The following TMEM120A variants were observed in gnomAD, a reference collection of about 807,000 sequenced individuals.
TMEM120A encodes the protein ion channel TACAN.
In TMEM120A, 45 loss-of-function variants were observed where a neutral mutation model predicts 54.3. The ratio of observed to expected loss-of-function variants is 0.83; its 90% CI spans 0.65 to 1.06. The LOEUF (loss-of-function observed/expected upper bound fraction) is 1.06, where lower values mean the gene tolerates loss of function less well. TMEM120A is among the 50% of genes least tolerant of loss of function. TMEM120A has a pLI of 0.00. For missense variants in TMEM120A, 424 were observed against 441.7 expected (o/e 0.96, Z 0.36); for synonymous variants, 204 against 178.5 (o/e 1.14, Z -1.14).
In TMEM120A at chr7:75,992,211, C is replaced by T; in HGVS notation, c.250G>A (p.Glu84Lys). 2.5e-6 allele frequency: 4 copies of T among 1,612,554 alleles called. No individual in the cohort carries two copies. Among genetic ancestry groups the T allele is most frequent in the Non-Finnish European group, 3.4e-6 (4 of 1,179,412 alleles). ...CCTTGGCGCTCTTTCATCTGGTTCTCCAGCTCCTGTGCGGCCCCCTCGGCC... is the reference window on the plus strand; with the variant it reads ...CCTTGGCGCTCTTTCATCTGGTTCTTCAGCTCCTGTGCGGCCCCCTCGGCC... ...AEAEGAAQEL[E>K]NQMKERQGLF... The change falls in exon 3 of 12, where the codon GAG (glutamate) becomes AAG (lysine). Residue 84 changes from glutamate (E) to lysine (K), a missense_variant. Physicochemically the swap from Glu to Lys is moderately conservative, Grantham distance 56 (BLOSUM62 1). Coordinates refer to ENST00000493111, the MANE Select transcript of TMEM120A (RefSeq NM_031925.3).
chr7:75,987,177 C>T lies in TMEM120A; in HGVS notation c.1027G>A (p.Asp343Asn). ...FHSQRHGSKK[D>N] ...CGGCAGGGGAAGGCCCAGCCTCAAT[C>T]CTTCTTGCTCCCGTGCCGCTGACTG... The change falls in exon 12 of 12, where the codon GAT (aspartate) becomes AAT (asparagine). Residue 343 changes from aspartate to asparagine, a missense_variant. By Grantham distance (23) the Asp-to-Asn change is conservative. Transcript: ENST00000493111. The T allele has an allele frequency of 6.3e-7, 1 of 1,598,650 alleles. No individual in the cohort carries two copies.
intron 3 of TMEM120A, among the ~76,000 whole-genome samples, chr7:75,990,897 C>CAA (rs782090391): frequency 3.3e-3 from 148 of 44,868 alleles, no homozygotes; most frequent in African/African-American, 5.1e-3. Context: ...GACTCTGTCT[C>CAA]AAAAAAAAAA....
At chr7:75,989,497 C>G (rs1285977781) in intron 3 of TMEM120A, among the ~76,000 whole-genome samples, 1 of 33,450 alleles carries the variant, frequency 3.0e-5, no homozygotes, top group Admixed American at 3.2e-4. Flanking sequence ...TCCCCCACCT[C>G]AGGGCACCAA....
rs1554559824 is a variant in TMEM120A at position 75,987,114 on chromosome 7, C to G, written c.*58G>C. On this transcript the variant is annotated 3_prime_UTR_variant, in exon 12 of 12. Transcript: ENST00000493111. The stretch of plus-strand genomic sequence containing the variant: ...CGCACACTCGAGGGGCGCCTCCCAT[C>G]CCCTCCCACAACACACAGGACAGAA... The G allele has an allele frequency of 3.5e-6, 5 of 1,438,568 alleles. No homozygotes were observed. The highest frequency in any genetic ancestry group is 3.9e-5 in the Admixed American group (2 of 51,180). 89.1% of individuals were successfully genotyped at this position (1,438,568 alleles called of 1,614,324 possible).
In TMEM120A at chr7:75,987,135, CAG is replaced by C. The variant is rs1563437988; in HGVS notation, c.*35_*36del. The C allele has an allele frequency of 2.0e-6, 3 of 1,530,354 alleles. No individual in the cohort carries two copies. Among genetic ancestry groups the C allele is most frequent in the Non-Finnish European group, 2.7e-6 (3 of 1,124,806 alleles). The allele number at this position is 1,530,354 out of a possible 1,614,324, so 94.8% of individuals were successfully genotyped here. A position where few individuals can be genotyped will look rare whatever the true frequency, so the allele number is the denominator to read the frequency against. ...CCATCCCCTCCCACAACACACAGGA[CAG>C]AAGCCCCTCTGGGCCGGCAGGGGAA... On this transcript the variant is annotated 3_prime_UTR_variant, in exon 12 of 12. Transcript: ENST00000493111.
rs374980586 is a variant in TMEM120A, at chr7:75,988,241, G to A, written c.563+11C>T. On this transcript the variant is annotated intron_variant, in intron 6 of 11. Transcript: ENST00000493111. Reference sequence around the variant, plus strand: ...TCCATGCTCCCCTCCCTCAGGGCCCGCCCTGCCCACCGGGAGCCGTTGTTG... The same window carrying A: ...TCCATGCTCCCCTCCCTCAGGGCCCACCCTGCCCACCGGGAGCCGTTGTTG... The A allele has an allele frequency of 3.7e-5, 59 of 1,611,726 alleles. No individual in the cohort carries two copies. The highest frequency in any genetic ancestry group is 1.6e-4 in the Middle Eastern group (1 of 6,082).
At chr7:75,992,661 T>C (rs6467956) in intron 1 of TMEM120A, 104 bp from the exon 2 acceptor site, 788,828 of 790,270 alleles carry the variant, frequency 1, 393,706 homozygotes, top group East Asian at 1. Context: ...CTGGGAGGGT[T>C]TCGCTCAGCG....
In TMEM120A at chr7:75,992,260, T is replaced by C. The variant is rs1789871599; in HGVS notation, c.201A>G (p.Lys67=). 2 of 1,604,062 alleles carry C rather than the reference T, an allele frequency of 1.2e-6. No homozygotes were observed. The highest frequency in any genetic ancestry group is 1.7e-6 in the Non-Finnish European group (2 of 1,175,206). Residue 67 remains lysine (K), a splice_region_variant and synonymous_variant, in exon 3 of 12, where the codon AAA becomes AAG. Coordinates refer to ENST00000493111, the MANE Select transcript of TMEM120A (RefSeq NM_031925.3). The part of the protein sequence containing the change: ...RLQELALALK[K]CKPSLPAEAE... ...CCTCTGCTGGGAGGGAGGGTTTGCA[T>C]CTGCGGGTAAGGCCAGAAACAGTCA...
In TMEM120A at chr7:75,988,387, T is replaced by C. The variant is rs782202987; in HGVS notation, c.473+34A>G. On this transcript the variant is annotated intron_variant, in intron 5 of 11. Coordinates refer to ENST00000493111, the MANE Select transcript of TMEM120A (RefSeq NM_031925.3). Reference sequence around the variant, plus strand: ...GGGTTGGTACTGCAGCGACTGGGGATGGGGTGGGTCCTCGGCCGGGGTGGG... The same window carrying C: ...GGGTTGGTACTGCAGCGACTGGGGACGGGGTGGGTCCTCGGCCGGGGTGGG... 5.4e-6 allele frequency: 6 copies of C among 1,116,402 alleles called. No individual in the cohort carries two copies. The South Asian group carries it at 6.1e-5, about 11-fold the overall frequency. 69.2% of individuals were successfully genotyped at this position (1,116,402 alleles called of 1,614,324 possible). A position where few individuals can be genotyped will look rare whatever the true frequency, so the allele number is the denominator to read the frequency against.
At chr7:75,994,365 G>T (rs1191955623) in intron 1 of TMEM120A, 125 bp downstream of exon 1, 1 of 811,124 alleles carries the variant, frequency 1.2e-6, no homozygotes, top group East Asian at 3.0e-5. Flanking sequence ...CCCCTTGGCA[G>T]TGACGCCAGG....
At chr7:75,989,124 G>A (rs1488719595) in intron 4 of TMEM120A, 41 bp downstream of exon 4, 1 of 448,694 alleles carries the variant, frequency 2.2e-6, no homozygotes, top group Non-Finnish European at 3.7e-6. Context: ...GGCTAGGGGT[G>A]GAGGGGTGGA....
chr7:75,988,038 C>A, intron 7 of TMEM120A, 45 bp downstream of exon 7: 1 of 1,596,178 alleles, frequency 6.3e-7, no homozygotes. Flanking sequence ...CCGTGTATCC[C>A]CTCCTTGTCC....
intron 4 of TMEM120A, 84 bp from the exon 5 acceptor site, chr7:75,988,600 G>A: frequency 1.2e-6 from 1 of 835,926 alleles, no homozygotes; most frequent in Non-Finnish European, 1.9e-6. Context: ...CTGAGCCAAG[G>A]GTAGTCGGAT....
intron 1 of TMEM120A, among the ~76,000 whole-genome samples, chr7:75,992,888 C>G (rs1274123241): frequency 6.6e-6 from 1 of 152,176 alleles, no homozygotes; most frequent in Non-Finnish European, 1.5e-5. Flanking sequence ...CTCCAACCTC[C>G]GCCTCCCGGG....
Position 75,986,886 on chromosome 7 carries a change from A to ACCTC in TMEM120A, c.*282_*285dup. The stretch of plus-strand genomic sequence containing the variant: ...CTGGTATTGTGTGAGTAGATCTGGG[A>ACCTC]CCTCCACCTGCATCAACTTAACTAA... On this transcript the variant is annotated 3_prime_UTR_variant, in exon 12 of 12. Coordinates refer to ENST00000493111, the MANE Select transcript of TMEM120A (RefSeq NM_031925.3). 1 of 581,280 alleles carries ACCTC rather than the reference A, an allele frequency of 1.7e-6. No homozygotes were observed. Among genetic ancestry groups the ACCTC allele is most frequent in the Non-Finnish European group, 3.0e-6 (1 of 329,382 alleles). 36.0% of individuals were successfully genotyped at this position (581,280 alleles called of 1,614,324 possible).
At position 75,988,167 on chromosome 7, in the gene TMEM120A, A is replaced by G. The variant is rs1554560602; in HGVS notation, c.564-19T>C. ...TTTGATCCTGGAGCAGAGAGCCACC[A>G]TCACCCCCAGCGCCTGTTCCTGCTT... On this transcript the variant is annotated intron_variant, in intron 6 of 11. Transcript: ENST00000493111. 2 of 1,611,020 alleles carry G rather than the reference A, an allele frequency of 1.2e-6. No homozygotes were observed. The highest frequency in any genetic ancestry group is 1.7e-6 in the Non-Finnish European group (2 of 1,179,282).
rs148250083 is a variant in TMEM120A, at chr7:75,993,749, C to T, written c.81+741G>A. Among the ~76,000 whole-genome samples the T allele has an allele frequency of 6.7e-3, 1,013 of 152,288 alleles. 13 individuals are homozygous for T. Among genetic ancestry groups the T allele is most frequent in the African/African-American group, 0.021 (879 of 41,566 alleles). On this transcript the variant is annotated intron_variant, in intron 1 of 11. Transcript: ENST00000493111. ...ACGCCCCCTCGGACCCCAGCACGTG[C>T]CACTTCTGCCCACCCACAGCCACCG...
chr7:75,989,131 T>TGGAGGGGG (rs1789730937), intron 4 of TMEM120A, 34 bp downstream of exon 4: 5 of 328,940 alleles, frequency 1.5e-5, no homozygotes, highest in Non-Finnish European at 1.3e-5. Flanking sequence ...GGTGGAGGGG[T>TGGAGGGGG]GGAGGTTGGG....
Position 75,987,403 on chromosome 7 carries a change from G to A in TMEM120A, c.875C>T (p.Thr292Met), listed in dbSNP as rs1331872332. The A allele has an allele frequency of 1.2e-5, 18 of 1,564,600 alleles. No individual in the cohort carries two copies. The highest frequency in any genetic ancestry group is 1.1e-4 in the Admixed American group (6 of 52,648). The change falls in exon 11 of 12, where the codon ACG becomes ATG. Residue 292 changes from threonine to methionine, a missense_variant. Coordinates refer to ENST00000493111, the MANE Select transcript of TMEM120A (RefSeq NM_031925.3). ...GHFWQLFNALTLFNLAQDPQC... is the reference protein window; with the variant it reads ...GHFWQLFNALMLFNLAQDPQC... ...AGGGTCCTGGGCCAGGTTGAACAAC[G>A]TCAGCGCGTTAAAAAGCTGCCAGAA...
Sources: allele counts gnomAD v4.1 joint callset (sites outside exome capture counted in the v4.1 genomes callset), GRCh38; gene constraint gnomAD v4.1.1; transcripts MANE v1.5; gene names NCBI Gene and HGNC (gene_info 2026-07-23, HGNC 2026-07-21).